CYP27B1: variants seen among roughly 807,000 people sequenced by gnomAD.
The protein encoded by CYP27B1 is cytochrome P450 family 27 subfamily B member 1.
In CYP27B1, 46 loss-of-function variants were observed where a neutral mutation model predicts 54.8. The ratio of observed to expected loss-of-function variants is 0.84; its 90% CI spans 0.66 to 1.07. The LOEUF (loss-of-function observed/expected upper bound fraction) is 1.07, where lower values mean the gene tolerates loss of function less well. CYP27B1 is among the 50% of genes least tolerant of loss of function. The probability of loss-of-function intolerance (pLI) is 0.00; values close to 1 mark genes in which losing one functional copy is unlikely to be tolerated. For synonymous variants in CYP27B1, 292 were observed against 297.3 expected (o/e 0.98, Z 0.18); for missense variants, 674 against 692.2 (o/e 0.97, Z 0.30).
chr12:57,766,143 G>C lies in CYP27B1; in HGVS notation c.250C>G (p.Arg84Gly), dbSNP rs1451132521. Residue 84 changes from arginine to glycine, a missense_variant, in exon 2 of 9, where the codon CGC becomes GGC. Arg to Gly is a moderately radical substitution (Grantham distance 125). Coordinates refer to ENST00000228606, the MANE Select transcript of CYP27B1 (RefSeq NM_000785.4). ...PVWLASFGTV[R>G]TVYVAAPALV... Reference sequence around the variant, plus strand: ...GCAGGGGCAGCCACGTACACGGTGCGCACTGTCCCAAAGCTGGCTAGCCAC... The same window carrying C: ...GCAGGGGCAGCCACGTACACGGTGCCCACTGTCCCAAAGCTGGCTAGCCAC... 6.5e-7 allele frequency: 1 copy of C among 1,546,798 alleles called. No homozygotes were observed. Among genetic ancestry groups the C allele is most frequent in the Non-Finnish European group, 8.7e-7 (1 of 1,148,708 alleles).
Position 57,766,934 on chromosome 12 carries a change from G to T in CYP27B1, c.108C>A (p.Ser36Arg). The T allele has an allele frequency of 6.2e-7, 1 of 1,614,198 alleles. No individual in the cohort carries two copies. The highest frequency in any genetic ancestry group is 8.5e-7 in the Non-Finnish European group (1 of 1,180,026). The change falls in exon 1 of 9, where the codon AGC becomes AGA. Residue 36 changes from serine (S) to arginine (R), a missense_variant. Transcript: ENST00000228606. ...TAGAGGGGCCTGGGATGTCTGCCAAGCTCCGGCGTGCTGAGTGGTACTCTC... is the reference window on the plus strand; with the variant it reads ...TAGAGGGGCCTGGGATGTCTGCCAATCTCCGGCGTGCTGAGTGGTACTCTC... ...GYREYHSARR[S>R]LADIPGPSTP...
chr12:57,766,848 T>C lies in CYP27B1; in HGVS notation c.194A>G (p.Gln65Arg). The change falls in exon 1 of 9, where the codon CAG becomes CGG. Residue 65 changes from glutamine to arginine, a missense_variant and splice_region_variant. Gln to Arg is a conservative substitution (Grantham distance 43). Coordinates refer to ENST00000228606, the MANE Select transcript of CYP27B1 (RefSeq NM_000785.4). ...CTCGGGAAAGGCGTCCCTTCCTACC[T>C]GCAGCTCGTGTAGCCTCGACAGCCC... Reference protein sequence around the residue: ...KGGLSRLHELQVQGAAHFGPV... With the variant: ...KGGLSRLHELRVQGAAHFGPV... 1 of 1,614,220 alleles carries C rather than the reference T, an allele frequency of 6.2e-7. No homozygotes were observed. The highest frequency in any genetic ancestry group is 8.5e-7 in the Non-Finnish European group (1 of 1,180,018).
Position 57,765,607 on chromosome 12 carries a change from T to C in CYP27B1, c.387-108A>G. ...TGCGGTGGCCAGGAGAGGGATTGCG[T>C]CTGCCCCCTTGGGGTACGGAAACCT... On this transcript the variant is annotated intron_variant, in intron 2 of 8. Transcript: ENST00000228606. This position sits in a 1 kb window ranked among gnomAD's most constrained non-coding sequence, Gnocchi z 5.8. 8.4e-7 allele frequency: 1 copy of C among 1,195,076 alleles called. No individual in the cohort carries two copies. Among genetic ancestry groups the C allele is most frequent in the Non-Finnish European group, 1.2e-6 (1 of 822,056 alleles). The allele number at this position is 1,195,076 out of a possible 1,614,324, so 74.0% of individuals were successfully genotyped here. A position where few individuals can be genotyped will look rare whatever the true frequency, so the allele number is the denominator to read the frequency against.
At position 57,765,560 on chromosome 12, in the gene CYP27B1, G is replaced by A; in HGVS notation, c.387-61C>T. 1 of 1,526,830 alleles carries A rather than the reference G, an allele frequency of 6.5e-7. No homozygotes were observed. The highest frequency in any genetic ancestry group is 1.4e-5 in the African/African-American group (1 of 73,684). 94.6% of individuals were successfully genotyped at this position (1,526,830 alleles called of 1,614,324 possible). On this transcript the variant is annotated intron_variant, in intron 2 of 8. Coordinates refer to ENST00000228606, the MANE Select transcript of CYP27B1 (RefSeq NM_000785.4). This position sits in a 1 kb window ranked among gnomAD's most constrained non-coding sequence, Gnocchi z 5.8. ...TGGGGACGGCTCGACGGGACTGGCT[G>A]CAGTGAAGGAGCGCGTTCGGCTGCG...
chr12:57,766,044 G>A lies in CYP27B1; in HGVS notation c.349C>T (p.Arg117Cys), dbSNP rs1220713472. 6.4e-7 allele frequency: 1 copy of A among 1,567,618 alleles called. No homozygotes were observed. ...RCSFSPWTEH[R>C]RCRQRACGLL... is the part of the protein sequence containing the mutation. ...CCGCAAGCCCGCTGGCGGCAGCGGCGGTGCTCCGTCCAGGGCGAGAAGCTG... is the reference window on the plus strand; with the variant it reads ...CCGCAAGCCCGCTGGCGGCAGCGGCAGTGCTCCGTCCAGGGCGAGAAGCTG... The change falls in exon 2 of 9, where the codon CGC becomes TGC. Residue 117 changes from arginine to cysteine, a missense_variant. Coordinates refer to ENST00000228606, the MANE Select transcript of CYP27B1 (RefSeq NM_000785.4).
At chr12:57,766,502 A>G in intron 1 of CYP27B1, 1 of 568,796 alleles carries the variant, frequency 1.8e-6, no homozygotes, top group East Asian at 3.0e-5. Context: ...TCTCAGGACG[A>G]GTCCTCAGTG....
chr12:57,765,855 G>A lies in CYP27B1; in HGVS notation c.386+152C>T. 1 of 1,391,100 alleles carries A rather than the reference G, an allele frequency of 7.2e-7. No homozygotes were observed. Among genetic ancestry groups the A allele is most frequent in the East Asian group, 2.5e-5 (1 of 39,678 alleles). The allele number at this position is 1,391,100 out of a possible 1,614,324, so 86.2% of individuals were successfully genotyped here. ...AGGTTGGGGCTCAACCTGAGTGTGG[G>A]TGAAGCAGACTGGGATGGGAACCCC... On this transcript the variant is annotated intron_variant, in intron 2 of 8. Transcript: ENST00000228606. The surrounding 1 kb of genome is among the most constrained non-coding windows in gnomAD (Gnocchi z 5.8).
At chr12:57,763,921 T>C in intron 7 of CYP27B1, 113 bp from the exon 8 acceptor site, 1 of 1,180,290 alleles carries the variant, frequency 8.5e-7, no homozygotes, top group Non-Finnish European at 1.2e-6. Context: ...GGGGAAGTTT[T>C]CTGGGGCTAC....
Position 57,766,188 on chromosome 12 carries a change from C to T in CYP27B1, c.205G>A (p.Ala69Thr). 1 of 1,538,246 alleles carries T rather than the reference C, an allele frequency of 6.5e-7. No individual in the cohort carries two copies. The change falls in exon 2 of 9, where the codon GCC becomes ACC. Residue 69 changes from alanine (A) to threonine (T), a missense_variant. Physicochemically the swap from Ala to Thr is moderately conservative, Grantham distance 58. Transcript: ENST00000228606. Reference sequence around the variant, plus strand: ...AGCCACACCGGCCCGAAGTGCGCGGCGCCCTGCACCTGGGGGAGCGGACAC... The same window carrying T: ...AGCCACACCGGCCCGAAGTGCGCGGTGCCCTGCACCTGGGGGAGCGGACAC... ...SRLHELQVQG[A>T]AHFGPVWLAS...
Position 57,765,318 on chromosome 12 carries a change from A to G in CYP27B1, c.568T>C (p.Phe190Leu), listed in dbSNP as rs375234468. The stretch of plus-strand genomic sequence containing the variant: ...TCACCTTCCAGTCCGAACTTGTAAA[A>G]TTCCCCCGCCACGTCCCGAACCAGG... ...PALVRDVAGE[F>L]YKFGLEGIAA... The change falls in exon 3 of 9, where the codon TTT becomes CTT. Residue 190 changes from phenylalanine (F) to leucine (L), a missense_variant. Physicochemically the swap from Phe to Leu is conservative, Grantham distance 22. Transcript: ENST00000228606. The surrounding 1 kb of genome is among the most constrained non-coding windows in gnomAD (Gnocchi z 5.8). 2 of 1,612,978 alleles carry G rather than the reference A, an allele frequency of 1.2e-6. No homozygotes were observed. Among genetic ancestry groups the G allele is most frequent in the Non-Finnish European group, 1.7e-6 (2 of 1,179,748 alleles).
chr12:57,765,888 C>A lies in CYP27B1; in HGVS notation c.386+119G>T, dbSNP rs1470124583. 2.3e-5 allele frequency: 33 copies of A among 1,434,702 alleles called. No individual in the cohort carries two copies. Among genetic ancestry groups the A allele is most frequent in the Non-Finnish European group, 2.6e-5 (28 of 1,097,370 alleles). 88.9% of individuals were successfully genotyped at this position (1,434,702 alleles called of 1,614,324 possible). Reference sequence around the variant, plus strand: ...GACTGGGATGGGAACCCCAAGATGCCCAATGGTAGAGTGGGACAGCCGACC... The same window carrying A: ...GACTGGGATGGGAACCCCAAGATGCACAATGGTAGAGTGGGACAGCCGACC... On this transcript the variant is annotated intron_variant, in intron 2 of 8. Coordinates refer to ENST00000228606, the MANE Select transcript of CYP27B1 (RefSeq NM_000785.4). The surrounding 1 kb of genome is among the most constrained non-coding windows in gnomAD (Gnocchi z 5.8).
Position 57,766,098 on chromosome 12 carries a change from G to T in CYP27B1, c.295C>A (p.Arg99=). The T allele has an allele frequency of 1.3e-6, 2 of 1,547,676 alleles. No individual in the cohort carries two copies. The highest frequency in any genetic ancestry group is 1.7e-6 in the Non-Finnish European group (2 of 1,150,448). Residue 99 remains arginine (R), a synonymous_variant, in exon 2 of 9, where the codon CGA becomes AGA. Transcript: ENST00000228606. ...CGCTCGGGCCGGGGTCCCTCCTGTC[G>T]CAGCAGCTCCTCGACGAGTGCAGGG... ...AAPALVEELL[R]QEGPRPERCS...
rs772097552 is a variant in CYP27B1 at position 57,764,515 on chromosome 12, G to T, written c.999C>A (p.Leu333=). 1.9e-6 allele frequency: 3 copies of T among 1,614,062 alleles called. No individual in the cohort carries two copies. The change falls in exon 6 of 9, where the codon CTC becomes CTA. Residue 333 remains leucine (L), a synonymous_variant. Coordinates refer to ENST00000228606, the MANE Select transcript of CYP27B1 (RefSeq NM_000785.4). ...CTGTCTGGACTTCGGGGTGCCGGGA[G>T]AGCTCATACAGAGCCCAAGAGAGCG... ...SNTLSWALYE[L]SRHPEVQTAL... is the part of the protein sequence containing the mutation.
chr12:57,765,186 C>A lies in CYP27B1; in HGVS notation c.615G>T (p.Ser205=), dbSNP rs572765133. 2 of 1,613,220 alleles carry A rather than the reference C, an allele frequency of 1.2e-6. No homozygotes were observed. Among genetic ancestry groups the A allele is most frequent in the East Asian group, 4.5e-5 (2 of 44,868 alleles). The part of the protein sequence containing the change: ...LEGIAAVLLG[S]RLGCLEAQVP... The stretch of plus-strand genomic sequence containing the variant: ...CTTGAGCCTCCAGGCAGCCCAAGCG[C>A]GAGCCGAGCAGAACCGCGGCGATGC... Residue 205 remains serine, a synonymous_variant, in exon 4 of 9, where the codon TCG becomes TCT. Transcript: ENST00000228606. The surrounding 1 kb of genome is among the most constrained non-coding windows in gnomAD (Gnocchi z 5.8).
At position 57,765,183 on chromosome 12, in the gene CYP27B1, G is replaced by A; in HGVS notation, c.618C>T (p.Arg206=). 6.2e-7 allele frequency: 1 copy of A among 1,613,328 alleles called. No individual in the cohort carries two copies. Residue 206 remains arginine (R), a synonymous_variant, in exon 4 of 9, where the codon CGC becomes CGT. Transcript: ENST00000228606. This position sits in a 1 kb window ranked among gnomAD's most constrained non-coding sequence, Gnocchi z 5.8. Reference sequence around the variant, plus strand: ...GCACTTGAGCCTCCAGGCAGCCCAAGCGCGAGCCGAGCAGAACCGCGGCGA... The same window carrying A: ...GCACTTGAGCCTCCAGGCAGCCCAAACGCGAGCCGAGCAGAACCGCGGCGA... The part of the protein sequence containing the change: ...EGIAAVLLGS[R]LGCLEAQVPP...
At chr12:57,763,328 G>T in intron 8 of CYP27B1, 73 bp from the exon 9 acceptor site, 1 of 1,148,212 alleles carries the variant, frequency 8.7e-7, no homozygotes, top group South Asian at 1.3e-5. Flanking sequence ...AATCCAATTG[G>T]TAAAGGGCAT....
rs1425676798 is a variant in CYP27B1 at position 57,766,859 on chromosome 12, T to C, written c.183A>G (p.Leu61=). 1.2e-6 allele frequency: 2 copies of C among 1,614,242 alleles called. No homozygotes were observed. Among genetic ancestry groups the C allele is most frequent in the Admixed American group, 3.3e-5 (2 of 60,028 alleles). The part of the protein sequence containing the change: ...ELFCKGGLSR[L]HELQVQGAAH... ...CGTCCCTTCCTACCTGCAGCTCGTG[T>C]AGCCTCGACAGCCCCCCCTTGCAGA... The change falls in exon 1 of 9, where the codon CTA becomes CTG. Residue 61 remains leucine (L), a synonymous_variant. Coordinates refer to ENST00000228606, the MANE Select transcript of CYP27B1 (RefSeq NM_000785.4).
chr12:57,766,132 G>A lies in CYP27B1; in HGVS notation c.261C>T (p.Tyr87=), dbSNP rs532181970. The A allele has an allele frequency of 1.9e-6, 3 of 1,546,476 alleles. No homozygotes were observed. Among genetic ancestry groups the A allele is most frequent in the African/African-American group, 1.4e-5 (1 of 73,392 alleles). ...CCTCGACGAGTGCAGGGGCAGCCACGTACACGGTGCGCACTGTCCCAAAGC... is the reference window on the plus strand; with the variant it reads ...CCTCGACGAGTGCAGGGGCAGCCACATACACGGTGCGCACTGTCCCAAAGC... ...LASFGTVRTV[Y]VAAPALVEEL... The change falls in exon 2 of 9, where the codon TAC becomes TAT. Residue 87 remains tyrosine, a synonymous_variant. Coordinates refer to ENST00000228606, the MANE Select transcript of CYP27B1 (RefSeq NM_000785.4).
In CYP27B1 at chr12:57,765,745, G is replaced by T; in HGVS notation, c.387-246C>A. 1.2e-6 allele frequency: 1 copy of T among 821,162 alleles called. No homozygotes were observed. The highest frequency in any genetic ancestry group is 1.6e-5 in the South Asian group (1 of 61,100). The allele number at this position is 821,162 out of a possible 1,614,324, so 50.9% of individuals were successfully genotyped here. On this transcript the variant is annotated intron_variant, in intron 2 of 8. Coordinates refer to ENST00000228606, the MANE Select transcript of CYP27B1 (RefSeq NM_000785.4). This position sits in a 1 kb window ranked among gnomAD's most constrained non-coding sequence, Gnocchi z 5.8. ...CAGAACCTTACATTCATTCCATCCA[G>T]ATCCTTGTACCCTAGCCCAATTCCT...
Sources: gnomAD v4.1 joint callset for allele counts on GRCh38, gnomAD v4.1.1 for gene constraint, Gnocchi (gnomAD v3.1) non-coding constraint, MANE v1.5 for transcripts, NCBI Gene and HGNC (gene_info 2026-07-23, HGNC 2026-07-21) for gene names.